EPB41L5: variants seen among roughly 807,000 people sequenced by gnomAD.
EPB41L5 encodes erythrocyte membrane protein band 4.1 like 5.
Under a neutral mutation model 106.6 loss-of-function variants are expected in EPB41L5, and 55 were observed. That is an observed-to-expected ratio of 0.52 (90% CI 0.42 to 0.65). The LOEUF is 0.65. EPB41L5 is among the 30% of genes least tolerant of loss of function. EPB41L5 has a pLI of 0.00. For missense variants in EPB41L5, 871 were observed against 882.1 expected (o/e 0.99, Z 0.16); for synonymous variants, 297 against 306.7 (o/e 0.97, Z 0.33).
intron 2 of EPB41L5, among the ~76,000 whole-genome samples, chr2:120,041,080 T>C (rs928920477): frequency 6.6e-6 from 1 of 152,190 alleles, no homozygotes; most frequent in Non-Finnish European, 1.5e-5. Context: ...ATTAACTGAT[T>C]AATCAATAAT....
intron 20 of EPB41L5, among the ~76,000 whole-genome samples, chr2:120,152,890 T>A (rs1158404028): frequency 6.6e-6 from 1 of 152,258 alleles, no homozygotes; most frequent in Middle Eastern, 3.2e-3. Context: ...AGTAAATTGC[T>A]CATAGTATTT....
At chr2:120,110,377 A>G (rs1048560969) in intron 16 of EPB41L5, among the ~76,000 whole-genome samples, 1 of 152,190 alleles carries the variant, frequency 6.6e-6, no homozygotes, top group African/African-American at 2.4e-5. Flanking sequence ...GTAACAATTT[A>G]TTCCCTTTGT....
chr2:120,125,322 G>A (rs373316254), intron 16 of EPB41L5, among the ~76,000 whole-genome samples: 12 of 152,138 alleles, frequency 7.9e-5, no homozygotes, highest in Admixed American at 1.3e-4. Flanking sequence ...TGGAAACACC[G>A]CTTGTCCAAC....
chr2:120,046,407 G>A (rs1679777660), intron 3 of EPB41L5, among the ~76,000 whole-genome samples: 1 of 152,084 alleles, frequency 6.6e-6, no homozygotes, highest in African/African-American at 2.4e-5. Context: ...CTGATGGCCA[G>A]TGATGATGAG....
chr2:120,061,758 G>C (rs76779670), intron 3 of EPB41L5, among the ~76,000 whole-genome samples: 3,328 of 152,266 alleles, frequency 0.022, 118 homozygotes, highest in African/African-American at 0.075. Context: ...TTAGAAAAGG[G>C]AAACGTAGAT....
intron 1 of EPB41L5, among the ~76,000 whole-genome samples, chr2:120,018,022 C>T (rs1242474321): frequency 2.8e-5 from 4 of 143,952 alleles, no homozygotes; most frequent in Admixed American, 1.4e-4. Flanking sequence ...AGTACCGTGG[C>T]GCCATCTCGG....
At chr2:120,072,282 C>G (rs534206369) in intron 3 of EPB41L5, among the ~76,000 whole-genome samples, 11 of 152,282 alleles carry the variant, frequency 7.2e-5, no homozygotes, top group African/African-American at 2.2e-4. Flanking sequence ...AGTCAGGAAA[C>G]AACAGGTGCT....
intron 3 of EPB41L5, among the ~76,000 whole-genome samples, chr2:120,049,835 A>C (rs1680099833): frequency 6.6e-6 from 1 of 152,254 alleles, no homozygotes; most frequent in Non-Finnish European, 1.5e-5. Flanking sequence ...TGCTTCCTTC[A>C]GGAGCTCTTG....
At chr2:120,098,156 T>TTGTGTGTGTGTGTGTG (rs60975047) in intron 14 of EPB41L5, among the ~76,000 whole-genome samples, 20,661 of 133,468 alleles carry the variant, frequency 0.15, 1,844 homozygotes, top group Middle Eastern at 0.21. Context: ...ATTGTTTGTT[T>TTGTGTGTGTGTGTGTG]TGTGTGTGTG....
chr2:120,054,804 T>TA lies in EPB41L5; in HGVS notation c.285+12695dup, dbSNP rs1306160817. Among the ~76,000 whole-genome samples the TA allele has an allele frequency of 2.0e-5, 3 of 151,970 alleles. No homozygotes were observed. The East Asian group carries it at 5.8e-4, about 29-fold the overall frequency. On this transcript the variant is annotated intron_variant, in intron 3 of 24. Coordinates refer to ENST00000263713, the MANE Select transcript of EPB41L5 (RefSeq NM_020909.4). Reference sequence around the variant, plus strand: ...TTGGAAATCTATTTACTATAGACTATAGATATGTGGGTTTATTTCTGGATT... The same window carrying TA: ...TTGGAAATCTATTTACTATAGACTATAAGATATGTGGGTTTATTTCTGGATT...
intron 20 of EPB41L5, among the ~76,000 whole-genome samples, chr2:120,154,737 T>C (rs1235281041): frequency 6.6e-6 from 1 of 151,822 alleles, no homozygotes; most frequent in African/African-American, 2.4e-5. Flanking sequence ...CCATCCTGGC[T>C]AACATGGTGA....
intron 17 of EPB41L5, among the ~76,000 whole-genome samples, chr2:120,131,219 G>A (rs1685671592): frequency 6.6e-6 from 1 of 152,242 alleles, no homozygotes; most frequent in Middle Eastern, 3.4e-3. Flanking sequence ...CAGTAGTCAG[G>A]GCCAACGAAC....
intron 18 of EPB41L5, among the ~76,000 whole-genome samples, chr2:120,137,545 CA>C (rs775894672): frequency 3.3e-5 from 5 of 151,830 alleles, no homozygotes; most frequent in Non-Finnish European, 7.4e-5. Flanking sequence ...CTGCAAAAAT[CA>C]AAGGATCATT....
At chr2:120,022,177 AT>A (rs929126706) in intron 2 of EPB41L5, among the ~76,000 whole-genome samples, 2 of 152,060 alleles carry the variant, frequency 1.3e-5, no homozygotes, top group East Asian at 1.9e-4. Flanking sequence ...ATAGATAACA[AT>A]TTTTTTTCCT....
chr2:120,171,884 T>A (rs1225342787), intron 24 of EPB41L5, among the ~76,000 whole-genome samples: 1 of 151,540 alleles, frequency 6.6e-6, no homozygotes, highest in Non-Finnish European at 1.5e-5. Context: ...ATAAAGGCAA[T>A]GTGAATTTTG....
intron 16 of EPB41L5, among the ~76,000 whole-genome samples, chr2:120,125,227 T>G (rs1246849760): frequency 6.6e-6 from 1 of 152,212 alleles, no homozygotes; most frequent in African/African-American, 2.4e-5. Flanking sequence ...TGTTATTATC[T>G]GTTTCTGTAA....
At chr2:120,146,526 A>C (rs945691727) in intron 20 of EPB41L5, among the ~76,000 whole-genome samples, 4 of 152,206 alleles carry the variant, frequency 2.6e-5, no homozygotes, top group African/African-American at 9.7e-5. Context: ...CAGAGCAGAA[A>C]CCGTCTTAAA....
intron 18 of EPB41L5, among the ~76,000 whole-genome samples, chr2:120,139,941 TAAAG>T (rs1182018280): frequency 6.6e-6 from 1 of 151,972 alleles, no homozygotes. Context: ...GATGAATAGA[TAAAG>T]AAAATCTGGT....
At chr2:120,021,186 A>G (rs191824927) in intron 2 of EPB41L5, among the ~76,000 whole-genome samples, 15 of 152,216 alleles carry the variant, frequency 9.9e-5, no homozygotes, top group African/African-American at 3.4e-4. Context: ...CTAAAAATAC[A>G]AAAATTAACC....
Sources: gnomAD v4.1 joint callset for allele counts (sites outside exome capture counted in the v4.1 genomes callset) on GRCh38, gnomAD v4.1.1 for gene constraint, MANE v1.5 for transcripts, NCBI Gene and HGNC (gene_info 2026-07-23, HGNC 2026-07-21) for gene names.